ROPN1: variants seen among roughly 807,000 people sequenced by gnomAD.
ROPN1 encodes the protein rhophilin associated tail protein 1, also known as ropporin-1A.
ROPN1 carries 14 observed loss-of-function variants against 20.5 expected under a neutral mutation model. That is an observed-to-expected ratio of 0.68 (90% CI 0.45 to 1.07). ROPN1 has a LOEUF of 1.07. Ranked by LOEUF, ROPN1 falls within the 50% of genes least tolerant of loss-of-function variation. The pLI is 0.00. For missense variants in ROPN1, 169 were observed against 242.8 expected (o/e 0.70, Z 2.02); for synonymous variants, 76 against 95.7 (o/e 0.79, Z 1.20).
In ROPN1 at chr3:123,970,191, C is replaced by T. The variant is rs1205728428; in HGVS notation, c.423G>A (p.Val141=). Residue 141 remains valine, a synonymous_variant, in exon 5 of 6, where the codon GTG becomes GTA. Transcript: ENST00000405845. The stretch of plus-strand genomic sequence containing the variant: ...TATGGTCACATGATAAGACCTCACA[C>T]ACTATCTTGAGAGTTTTGGTAATAG... ...GVTITKTLKI[V]CEVLSCDHNG... is the part of the protein sequence containing the mutation. The T allele has an allele frequency of 1.9e-6, 3 of 1,613,998 alleles. No individual in the cohort carries two copies. Among genetic ancestry groups the T allele is most frequent in the Admixed American group, 3.3e-5 (2 of 60,022 alleles).
intron 4 of ROPN1, chr3:123,974,887 C>T (rs758710666): frequency 4.4e-4 from 82 of 187,684 alleles, no homozygotes; most frequent in Middle Eastern, 4.9e-3. Flanking sequence ...ATGGAGATGT[C>T]ATGACTAAAT....
At chr3:123,990,831 G>A (rs1325596067) in intron 1 of ROPN1, among the ~76,000 whole-genome samples, 1 of 152,126 alleles carries the variant, frequency 6.6e-6, no homozygotes, top group Non-Finnish European at 1.5e-5. Flanking sequence ...GAAGAATGTA[G>A]GTCTTAAAAT....
intron 1 of ROPN1, among the ~76,000 whole-genome samples, chr3:123,989,634 T>G (rs2038353070): frequency 6.6e-6 from 1 of 152,196 alleles, no homozygotes; most frequent in South Asian, 2.1e-4. Context: ...CAGTGTGTGA[T>G]CTTTTGAGTG....
intron 1 of ROPN1, among the ~76,000 whole-genome samples, chr3:123,986,351 C>T (rs1277175299): frequency 6.6e-6 from 1 of 152,014 alleles, no homozygotes; most frequent in African/African-American, 2.4e-5. Context: ...TCCTCAGGGA[C>T]ATACAAAAGT....
chr3:123,974,297 A>T (rs1393904524), intron 4 of ROPN1, among the ~76,000 whole-genome samples: 1 of 152,210 alleles, frequency 6.6e-6, no homozygotes, highest in Non-Finnish European at 1.5e-5. Context: ...GATTTTCCCC[A>T]GTCCTGACTG....
intron 3 of ROPN1, 21 bp downstream of exon 3, chr3:123,976,843 A>T: frequency 6.3e-7 from 1 of 1,597,732 alleles, no homozygotes; most frequent in Non-Finnish European, 8.5e-7. Context: ...ATTCTCCTCA[A>T]TGCTGCAGCA....
At chr3:123,976,288 A>G (rs1329803727) in intron 3 of ROPN1, among the ~76,000 whole-genome samples, 1 of 152,196 alleles carries the variant, frequency 6.6e-6, no homozygotes, top group African/African-American at 2.4e-5. Flanking sequence ...AATCACCCCA[A>G]ACCGCTCTGT....
chr3:123,980,392 C>A lies in ROPN1; in HGVS notation c.90G>T (p.Pro30=). The A allele has an allele frequency of 6.2e-7, 1 of 1,614,210 alleles. No individual in the cohort carries two copies. The highest frequency in any genetic ancestry group is 1.1e-5 in the South Asian group (1 of 91,088). ...CGGCTGCCCACTGGATGAGGTCCTGCGGCTGCACCCTAATGGCGGCTTTGG... is the reference window on the plus strand; with the variant it reads ...CGGCTGCCCACTGGATGAGGTCCTGAGGCTGCACCCTAATGGCGGCTTTGG... The part of the protein sequence containing the change: ...EFAKAAIRVQ[P]QDLIQWAADY... Residue 30 remains proline (P), a synonymous_variant, in exon 2 of 6, where the codon CCG becomes CCT. Transcript: ENST00000405845.
chr3:123,982,713 T>TGTGTGTTATAATACACAC (rs2038175035), intron 1 of ROPN1, among the ~76,000 whole-genome samples: 1 of 152,232 alleles, frequency 6.6e-6, no homozygotes, highest in Non-Finnish European at 1.5e-5. Context: ...CATATATATA[T>TGTGTGTTATAATACACAC]TCTTTTACTG....
intron 1 of ROPN1, among the ~76,000 whole-genome samples, chr3:123,984,030 G>A (rs568842460): frequency 6.6e-6 from 1 of 152,214 alleles, no homozygotes; most frequent in Non-Finnish European, 1.5e-5. Context: ...CGCCATTCTT[G>A]TGTGTCTATT....
chr3:123,990,504 T>A (rs2038382919), intron 1 of ROPN1, among the ~76,000 whole-genome samples: 1 of 152,186 alleles, frequency 6.6e-6, no homozygotes, highest in Admixed American at 6.5e-5. Context: ...CACTTTTGAA[T>A]CACAGAGTTG....
In ROPN1 at chr3:123,980,368, G is replaced by A; in HGVS notation, c.114C>T (p.Ala38=). ...VQPQDLIQWA[A]DYFEALSRGE... ...GAAGGCGAGAAAGGAGCACGTACTC[G>A]GCTGCCCACTGGATGAGGTCCTGCG... The change falls in exon 2 of 6, where the codon GCC becomes GCT. Residue 38 remains alanine (A), a splice_region_variant and synonymous_variant. Coordinates refer to ENST00000405845, the MANE Select transcript of ROPN1 (RefSeq NM_001317774.2). The A allele has an allele frequency of 6.2e-7, 1 of 1,614,094 alleles. No homozygotes were observed. The highest frequency in any genetic ancestry group is 8.5e-7 in the Non-Finnish European group (1 of 1,179,982).
chr3:123,981,848 T>C (rs1291178190), intron 1 of ROPN1, among the ~76,000 whole-genome samples: 1 of 152,172 alleles, frequency 6.6e-6, no homozygotes, highest in East Asian at 1.9e-4. Context: ...GTTATAACAG[T>C]AATGTAACCA....
At chr3:123,969,327 T>C in intron 5 of ROPN1, 106 bp from the exon 6 acceptor site, 1 of 980,566 alleles carries the variant, frequency 1.0e-6, no homozygotes, top group Admixed American at 2.2e-5. Context: ...GTTGCTCCTT[T>C]TTCTCTTTTT....
intron 1 of ROPN1, among the ~76,000 whole-genome samples, chr3:123,989,203 G>T (rs1265802168): frequency 6.6e-6 from 1 of 152,192 alleles, no homozygotes; most frequent in Non-Finnish European, 1.5e-5. Flanking sequence ...TCAGGGAACT[G>T]TAATTATGGA....
At chr3:123,980,334 C>T (rs868780794) in intron 2 of ROPN1, 32 bp downstream of exon 2, 1 of 1,611,002 alleles carries the variant, frequency 6.2e-7, no homozygotes, top group South Asian at 1.1e-5. Context: ...CGGCCGTCCT[C>T]CAAGGGGTGA....
At position 123,992,088 on chromosome 3, in the gene ROPN1, G is replaced by C. The variant is rs2038426042; in HGVS notation, c.-179C>G. ...GCGGCCGGGGGTGACAGCAGCGGCGGGGCACGACCGCCGTTAGCGTTAGAC... is the reference window on the plus strand; with the variant it reads ...GCGGCCGGGGGTGACAGCAGCGGCGCGGCACGACCGCCGTTAGCGTTAGAC... On this transcript the variant is annotated 5_prime_UTR_variant, in exon 1 of 6. Coordinates refer to ENST00000405845, the MANE Select transcript of ROPN1 (RefSeq NM_001317774.2). 1 of 118,238 alleles carries C rather than the reference G, an allele frequency of 8.5e-6. No homozygotes were observed. The highest frequency in any genetic ancestry group is 2.6e-4 in the East Asian group (1 of 3,816). 7.3% of individuals were successfully genotyped at this position (118,238 alleles called of 1,614,324 possible).
chr3:123,983,273 G>A (rs946663537), intron 1 of ROPN1, among the ~76,000 whole-genome samples: 1 of 151,872 alleles, frequency 6.6e-6, no homozygotes, highest in African/African-American at 2.4e-5. Flanking sequence ...ATTGTGTTGG[G>A]TATATATACC....
intron 1 of ROPN1, among the ~76,000 whole-genome samples, chr3:123,987,319 C>T (rs2149003224): frequency 6.6e-6 from 1 of 152,336 alleles, no homozygotes; most frequent in African/African-American, 2.4e-5. Flanking sequence ...TGTATGGTAG[C>T]CTGTATGGGG....
Sources: gnomAD v4.1 joint callset for allele counts (sites outside exome capture counted in the v4.1 genomes callset) on GRCh38, gnomAD v4.1.1 for gene constraint, MANE v1.5 for transcripts, NCBI Gene and HGNC (gene_info 2026-07-23, HGNC 2026-07-21) for gene names.